Variants in LIPC observed in about 807,000 individuals in gnomAD.
LIPC encodes the protein hepatic triacylglycerol lipase.
LIPC carries 44 observed loss-of-function variants against 50.7 expected under a neutral mutation model. The observed-to-expected ratio is 0.87, with a 90% CI of 0.68 to 1.11. The LOEUF (loss-of-function observed/expected upper bound fraction) is 1.11, where lower values mean the gene tolerates loss of function less well. LIPC is among the 50% of genes most tolerant of loss of function. The pLI, the probability that LIPC is intolerant of heterozygous loss-of-function variation, is 0.00. For missense variants in LIPC, 697 were observed against 648.2 expected (o/e 1.08, Z -0.82); for synonymous variants, 271 against 256.4 (o/e 1.06, Z -0.54).
intron 3 of LIPC, 93 bp downstream of exon 3, chr15:58,542,060 A>C: frequency 7.4e-7 from 1 of 1,356,094 alleles, no homozygotes; most frequent in South Asian, 1.2e-5. Context: ...ACAGCAGCCC[A>C]GGCAGGAGAA....
At position 58,545,684 on chromosome 15, in the gene LIPC, A is replaced by G; in HGVS notation, c.575-58A>G. ...TAATAATATCCAAAAGCTAAAAAGC[A>G]CATCTCTCTTCCCCTCTCCTTGCTC... On this transcript the variant is annotated intron_variant, in intron 4 of 8. Transcript: ENST00000299022. 3 of 1,417,164 alleles carry G rather than the reference A, an allele frequency of 2.1e-6. No homozygotes were observed. The South Asian group carries it at 3.5e-5, about 16-fold the overall frequency. 87.8% of individuals were successfully genotyped at this position (1,417,164 alleles called of 1,614,324 possible). A position where few individuals can be genotyped will look rare whatever the true frequency, so the allele number is the denominator to read the frequency against.
intron 7 of LIPC, 67 bp from the exon 8 acceptor site, chr15:58,563,438 T>A (rs1466979035): frequency 7.7e-7 from 1 of 1,303,872 alleles, no homozygotes; most frequent in Non-Finnish European, 1.1e-6. Flanking sequence ...ACATCCTGAA[T>A]GTGTGTGACC....
intron 6 of LIPC, among the ~76,000 whole-genome samples, chr15:58,555,968 C>A (rs1893933786): frequency 6.6e-6 from 1 of 152,176 alleles, no homozygotes; most frequent in Non-Finnish European, 1.5e-5. Context: ...GACAAGGGAG[C>A]CCGGCAGATG....
intron 8 of LIPC, among the ~76,000 whole-genome samples, chr15:58,566,711 T>C (rs7175421): frequency 0.36 from 54,525 of 151,958 alleles, 10,485 homozygotes; most frequent in East Asian, 0.58. Flanking sequence ...GAAGAAATTA[T>C]TGGCCCTACA....
At chr15:58,478,157 A>T (rs1311693830) in intron 1 of LIPC, among the ~76,000 whole-genome samples, 1 of 152,112 alleles carries the variant, frequency 6.6e-6, no homozygotes, top group Non-Finnish European at 1.5e-5. Context: ...TGATGAGTGA[A>T]CTCTCAGAAT....
chr15:58,549,169 T>C (rs537583079), intron 6 of LIPC, among the ~76,000 whole-genome samples: 1 of 152,332 alleles, frequency 6.6e-6, no homozygotes, highest in African/African-American at 2.4e-5. Flanking sequence ...GAAAGGGCTG[T>C]GACCACGTCT....
At chr15:58,528,963 G>C (rs930984527) in intron 1 of LIPC, among the ~76,000 whole-genome samples, 15 of 152,182 alleles carry the variant, frequency 9.9e-5, no homozygotes, top group South Asian at 2.1e-4. Flanking sequence ...TCATGAGGTA[G>C]GTGGCTCTGG....
intron 8 of LIPC, chr15:58,565,607 G>C: frequency 9.2e-7 from 1 of 1,083,948 alleles, no homozygotes; most frequent in Non-Finnish European, 1.1e-6. Flanking sequence ...CACAGCTTGA[G>C]GACATTGCTC....
At chr15:58,503,813 G>A (rs1204094860) in intron 1 of LIPC, among the ~76,000 whole-genome samples, 5 of 152,128 alleles carry the variant, frequency 3.3e-5, no homozygotes, top group Non-Finnish European at 5.9e-5. Flanking sequence ...CCAAGGAGTA[G>A]GCATGCCAGG....
intron 6 of LIPC, among the ~76,000 whole-genome samples, chr15:58,556,253 C>T (rs1178296230): frequency 2.0e-5 from 3 of 152,076 alleles, no homozygotes; most frequent in Admixed American, 6.5e-5. Flanking sequence ...TGAAGTACTC[C>T]TTGGAGGCCT....
At chr15:58,457,964 A>G (rs1477882263) in intron 1 of LIPC, among the ~76,000 whole-genome samples, 1 of 152,184 alleles carries the variant, frequency 6.6e-6, no homozygotes, top group African/African-American at 2.4e-5. Context: ...GGGCTCCTAG[A>G]GTGCATAGGA....
chr15:58,549,870 C>A (rs1036609345), intron 6 of LIPC, among the ~76,000 whole-genome samples: 1 of 152,244 alleles, frequency 6.6e-6, no homozygotes, highest in African/African-American at 2.4e-5. Context: ...TTTGGAAGTC[C>A]TCCTGCTTCG....
At chr15:58,502,006 A>C (rs1892000750) in intron 1 of LIPC, among the ~76,000 whole-genome samples, 1 of 152,124 alleles carries the variant, frequency 6.6e-6, no homozygotes, top group African/African-American at 2.4e-5. Flanking sequence ...ATTTAATGGG[A>C]TGCTTGAGAT....
rs1894298003 is a variant in LIPC, at chr15:58,460,360, G to A, written c.88+28240G>A. Among the ~76,000 whole-genome samples, 3 of 152,248 alleles carry A rather than the reference G, an allele frequency of 2.0e-5. No individual in the cohort carries two copies. In the South Asian group the frequency reaches 6.2e-4, roughly 31 times the overall value. Reference sequence around the variant, plus strand: ...GGAAAGGCTGGGGCCGACTTGGGATGTGGATGTGCAAAAGGAAAGGTGAAG... The same window carrying A: ...GGAAAGGCTGGGGCCGACTTGGGATATGGATGTGCAAAAGGAAAGGTGAAG... On this transcript the variant is annotated intron_variant, in intron 1 of 8. Coordinates refer to ENST00000299022, the MANE Select transcript of LIPC (RefSeq NM_000236.3).
intron 2 of LIPC, 46 bp from the exon 3 acceptor site, chr15:58,541,739 G>T: frequency 6.4e-7 from 1 of 1,574,536 alleles, no homozygotes; most frequent in South Asian, 1.1e-5. Flanking sequence ...AAGGGTGAGC[G>T]GGGAGAAAGG....
chr15:58,477,506 A>G (rs1891040426), intron 1 of LIPC, among the ~76,000 whole-genome samples: 1 of 152,214 alleles, frequency 6.6e-6, no homozygotes, highest in Admixed American at 6.5e-5. Flanking sequence ...AAGTCTAATC[A>G]TTTGGAGGGA....
rs975340462 is a variant in LIPC at position 58,488,847 on chromosome 15, T to C, written c.89-49486T>C. On this transcript the variant is annotated intron_variant, in intron 1 of 8. Coordinates refer to ENST00000299022, the MANE Select transcript of LIPC (RefSeq NM_000236.3). The stretch of plus-strand genomic sequence containing the variant: ...CTAGTGTTTTCTGACAATCTAGGGA[T>C]GAATTCCCTATTACATCTCAGGATG... Among the ~76,000 whole-genome samples, 63 of 152,214 alleles carry C rather than the reference T, an allele frequency of 4.1e-4. 1 individual carries two copies. Among genetic ancestry groups the C allele is most frequent in the Admixed American group, 3.9e-4 (6 of 15,282 alleles).
chr15:58,441,220 G>A (rs1435614668), intron 1 of LIPC, among the ~76,000 whole-genome samples: 1 of 152,204 alleles, frequency 6.6e-6, no homozygotes, highest in Non-Finnish European at 1.5e-5. Context: ...CTTGGAGCAA[G>A]TCTCTTTGAA....
intron 1 of LIPC, among the ~76,000 whole-genome samples, chr15:58,485,858 C>T (rs976226280): frequency 3.9e-5 from 6 of 152,226 alleles, no homozygotes; most frequent in Admixed American, 2.0e-4. Flanking sequence ...ATGTAGATTA[C>T]GGTTGAGAAC....
Sources: gnomAD v4.1 joint callset for allele counts (sites outside exome capture counted in the v4.1 genomes callset) on GRCh38, gnomAD v4.1.1 for gene constraint, MANE v1.5 for transcripts, NCBI Gene and HGNC (gene_info 2026-07-23, HGNC 2026-07-21) for gene names.